The following CEP290 variants were observed in gnomAD, a reference collection of about 807,000 sequenced individuals.
CEP290 encodes the protein centrosomal protein 290.
Under a neutral mutation model 344.9 loss-of-function variants are expected in CEP290, and 317 were observed. The ratio of observed to expected loss-of-function variants is 0.92; its 90% CI spans 0.84 to 1.01. CEP290 has a LOEUF of 1.01. Among genes scored for constraint, CEP290 ranks in the 50% least tolerant of loss-of-function variants. The pLI, the probability that CEP290 is intolerant of heterozygous loss-of-function variation, is 0.00. For synonymous variants in CEP290, 932 were observed against 895.8 expected, an observed-to-expected ratio of 1.04 and a Z score of -0.72; for missense variants, 2,754 against 2,761.4, an observed-to-expected ratio of 1.00 and a Z score of 0.06.
At chr12:88,092,080 C>T (rs956315498) in intron 29 of CEP290, among the ~76,000 whole-genome samples, 7 of 151,976 alleles carry the variant, frequency 4.6e-5, no homozygotes, top group Admixed American at 3.3e-4. Flanking sequence ...GCCCAGCCAG[C>T]ACGCAGTATT....
At chr12:88,055,824 T>C in intron 49 of CEP290, 107 bp from the exon 50 acceptor site, 1 of 812,230 alleles carries the variant, frequency 1.2e-6, no homozygotes, top group Non-Finnish European at 1.8e-6. Context: ...TATCTTATTT[T>C]ACTGTTTCTT....
At chr12:88,093,655 C>T in intron 28 of CEP290, 115 bp downstream of exon 28, 1 of 694,826 alleles carries the variant, frequency 1.4e-6, no homozygotes, top group East Asian at 2.8e-5. Context: ...AAAACATAGG[C>T]ACTATATTAA....
chr12:88,077,434 T>C (rs1225347385), intron 40 of CEP290, 90 bp from the exon 41 acceptor site: 5 of 879,978 alleles, frequency 5.7e-6, no homozygotes. Flanking sequence ...AGCAACTTTC[T>C]GAAGCTATCA....
At chr12:88,140,476 T>C (rs1361391745) in intron 3 of CEP290, among the ~76,000 whole-genome samples, 1 of 152,246 alleles carries the variant, frequency 6.6e-6, no homozygotes, top group Non-Finnish European at 1.5e-5. Context: ...TTGCTGCACC[T>C]TGTTTCCTCA....
At chr12:88,086,926 A>G (rs1437476562) in intron 32 of CEP290, among the ~76,000 whole-genome samples, 1 of 152,220 alleles carries the variant, frequency 6.6e-6, no homozygotes, top group Non-Finnish European at 1.5e-5. Context: ...CTTTGGAGAA[A>G]AATTAAGTTA....
chr12:88,049,153 A>AGTT lies in CEP290; in HGVS notation c.*28_*30dup. ...TATTTAACTTATAAAGTTAATAAAT[A>AGTT]GTTAAATGAAACAAAGTTTATAGGT... On this transcript the variant is annotated 3_prime_UTR_variant, in exon 54 of 54. Coordinates refer to ENST00000552810, the MANE Select transcript of CEP290 (RefSeq NM_025114.4). The AGTT allele has an allele frequency of 7.7e-7, 1 of 1,290,330 alleles. No homozygotes were observed. Among genetic ancestry groups the AGTT allele is most frequent in the Non-Finnish European group, 1.1e-6 (1 of 918,778 alleles). 79.9% of individuals were successfully genotyped at this position (1,290,330 alleles called of 1,614,324 possible).
intron 31 of CEP290, among the ~76,000 whole-genome samples, chr12:88,088,678 A>G (rs1407172224): frequency 6.6e-6 from 1 of 152,174 alleles, no homozygotes; most frequent in Non-Finnish European, 1.5e-5. Flanking sequence ...AGAAATTATC[A>G]TGTAACTCTT....
At chr12:88,051,427 G>C (rs2033520855) in intron 52 of CEP290, among the ~76,000 whole-genome samples, 1 of 152,084 alleles carries the variant, frequency 6.6e-6, no homozygotes, top group African/African-American at 2.4e-5. Flanking sequence ...TCGAACTCCT[G>C]ACCTCATGTG....
intron 15 of CEP290, among the ~76,000 whole-genome samples, chr12:88,119,404 T>G (rs1026698422): frequency 6.6e-6 from 1 of 152,154 alleles, no homozygotes; most frequent in African/African-American, 2.4e-5. Context: ...AATAAATATA[T>G]AAACTCTCAA....
chr12:88,134,504 C>T (rs778479097), intron 6 of CEP290, among the ~76,000 whole-genome samples: 1 of 152,180 alleles, frequency 6.6e-6, no homozygotes, highest in Non-Finnish European at 1.5e-5. Context: ...AGGAAAAGAA[C>T]CAAATTCATT....
rs146786798 is a variant in CEP290 at position 88,124,494 on chromosome 12, G to A, written c.1189+752C>T. 6.1e-4 allele frequency among the ~76,000 whole-genome samples: 92 copies of A among 151,894 alleles called. No homozygotes were observed. The East Asian group carries it at 0.015, about 26-fold the overall frequency. ...CATCACTACACTTACACACACATAT[G>A]TGCACGGAATCACTATTTCTTCTTC... On this transcript the variant is annotated intron_variant, in intron 13 of 53. Coordinates refer to ENST00000552810, the MANE Select transcript of CEP290 (RefSeq NM_025114.4).
intron 20 of CEP290, 130 bp from the exon 21 acceptor site, chr12:88,111,988 G>A (rs2038725741): frequency 1.7e-6 from 1 of 573,958 alleles, no homozygotes; most frequent in African/African-American, 2.0e-5. Context: ...TGATAATAAA[G>A]TATGCCAATT....
Position 88,086,382 on chromosome 12 carries a change from C to A in CEP290, c.4302+9G>T. 1 of 1,567,556 alleles carries A rather than the reference C, an allele frequency of 6.4e-7. No individual in the cohort carries two copies. Among genetic ancestry groups the A allele is most frequent in the African/African-American group, 1.3e-5 (1 of 74,190 alleles). On this transcript the variant is annotated intron_variant, in intron 33 of 53. Coordinates refer to ENST00000552810, the MANE Select transcript of CEP290 (RefSeq NM_025114.4). ...CTACAGAGTAACAAACAAGATTAAT[C>A]ATTCATACCTTTTGTGCCGCATTTA...
intron 18 of CEP290, 102 bp from the exon 19 acceptor site, chr12:88,115,284 CA>C: frequency 1.3e-6 from 1 of 741,174 alleles, no homozygotes; most frequent in Non-Finnish European, 2.1e-6. Context: ...TATAACAAAA[CA>C]AAACAAAAAA....
rs765835575 is a variant in CEP290 at position 88,117,159 on chromosome 12, A to T, written c.1712-14T>A. On this transcript the variant is annotated splice_polypyrimidine_tract_variant and intron_variant, in intron 17 of 53. Coordinates refer to ENST00000552810, the MANE Select transcript of CEP290 (RefSeq NM_025114.4). ...CAGTGGTTAATCCTATATATAAGAG[A>T]ATTAACAAACTAAAAACATTAAAAT... The T allele has an allele frequency of 1.1e-4, 145 of 1,271,316 alleles. No individual in the cohort carries two copies. Among genetic ancestry groups the T allele is most frequent in the Non-Finnish European group, 1.6e-4 (144 of 911,712 alleles). The allele number at this position is 1,271,316 out of a possible 1,614,324, so 78.8% of individuals were successfully genotyped here. A position where few individuals can be genotyped will look rare whatever the true frequency, so the allele number is the denominator to read the frequency against.
intron 28 of CEP290, 157 bp downstream of exon 28, chr12:88,093,613 T>G (rs1270214758): frequency 1.8e-6 from 1 of 555,622 alleles, no homozygotes; most frequent in African/African-American, 1.9e-5. Flanking sequence ...TTTAAACAAT[T>G]CAGATTTAAA....
intron 22 of CEP290, among the ~76,000 whole-genome samples, chr12:88,109,974 A>C (rs2038563177): frequency 6.6e-6 from 1 of 152,126 alleles, no homozygotes; most frequent in Admixed American, 6.5e-5. Flanking sequence ...TATCACATAC[A>C]AAGCAATATT....
At chr12:88,121,602 T>C (rs1304529131) in intron 13 of CEP290, among the ~76,000 whole-genome samples, 2 of 134,246 alleles carry the variant, frequency 1.5e-5, no homozygotes, top group Non-Finnish European at 3.1e-5. Context: ...GCAAAGTTCA[T>C]ATGTGAATTT....
intron 31 of CEP290, among the ~76,000 whole-genome samples, chr12:88,088,238 G>A (rs2036746236): frequency 6.6e-6 from 1 of 152,116 alleles, no homozygotes; most frequent in South Asian, 2.1e-4. Context: ...CAGGTCATTG[G>A]AACTTTGGTA....
Sources: gnomAD v4.1 joint callset for allele counts (sites outside exome capture counted in the v4.1 genomes callset) on GRCh38, gnomAD v4.1.1 for gene constraint, MANE v1.5 for transcripts, NCBI Gene and HGNC (gene_info 2026-07-23, HGNC 2026-07-21) for gene names.